The following CPNE4 variants were observed in gnomAD, a reference collection of about 807,000 sequenced individuals.
CPNE4 encodes copine 4.
In CPNE4, 25 loss-of-function variants were observed where a neutral mutation model predicts 67.9. The ratio of observed to expected loss-of-function variants is 0.37; its 90% CI spans 0.27 to 0.51. CPNE4 has a LOEUF of 0.51. CPNE4 is among the 20% of genes least tolerant of loss of function. The pLI is 0.93. For missense variants in CPNE4, 464 were observed against 690.8 expected (o/e 0.67, Z 3.68); for synonymous variants, 242 against 244.9 (o/e 0.99, Z 0.11).
intron 7 of CPNE4, among the ~76,000 whole-genome samples, chr3:131,659,971 T>C (rs2080082051): frequency 6.6e-6 from 1 of 152,200 alleles, no homozygotes; most frequent in African/African-American, 2.4e-5. Flanking sequence ...TTAATTTTTG[T>C]TGTGGTAAAA....
chr3:131,598,686 G>T (rs56188383), intron 7 of CPNE4, among the ~76,000 whole-genome samples: 20,600 of 152,122 alleles, frequency 0.14, 1,948 homozygotes, highest in African/African-American at 0.26. Flanking sequence ...ATACCACATA[G>T]CTTCATAGTT....
At chr3:131,896,243 A>G (rs1224103372) in intron 2 of CPNE4, among the ~76,000 whole-genome samples, 1 of 152,060 alleles carries the variant, frequency 6.6e-6, no homozygotes, top group Non-Finnish European at 1.5e-5. Context: ...TTTTGATAAT[A>G]TACATATATA....
intron 3 of CPNE4, among the ~76,000 whole-genome samples, chr3:131,713,063 G>T: frequency 6.6e-6 from 1 of 152,084 alleles, no homozygotes; most frequent in East Asian, 1.9e-4. Context: ...AGGGTGGTCT[G>T]GGGGCTGGGT....
intron 7 of CPNE4, among the ~76,000 whole-genome samples, chr3:131,618,617 G>C (rs898538974): frequency 6.6e-6 from 1 of 152,148 alleles, no homozygotes; most frequent in Admixed American, 6.5e-5. Context: ...GGTAGAATGT[G>C]TTTTCTCTGC....
At chr3:131,998,382 A>G (rs2073348953) in intron 1 of CPNE4, among the ~76,000 whole-genome samples, 1 of 152,150 alleles carries the variant, frequency 6.6e-6, no homozygotes, top group African/African-American at 2.4e-5. Context: ...ATCTACAGGA[A>G]CACATTTTAG....
At chr3:131,885,362 AGATT>A in intron 2 of CPNE4, among the ~76,000 whole-genome samples, 2 of 151,378 alleles carry the variant, frequency 1.3e-5, no homozygotes, top group Non-Finnish European at 2.9e-5. Flanking sequence ...TTGAATATTA[AGATT>A]TATTTTAAGG....
chr3:131,568,454 G>C (rs1163743233), intron 10 of CPNE4, among the ~76,000 whole-genome samples: 2 of 151,984 alleles, frequency 1.3e-5, no homozygotes, highest in Non-Finnish European at 2.9e-5. Flanking sequence ...GGCTACTGAT[G>C]CCTGGTTTTC....
intron 2 of CPNE4, among the ~76,000 whole-genome samples, chr3:131,763,701 C>A (rs148858425): frequency 2.6e-4 from 40 of 152,196 alleles, no homozygotes; most frequent in African/African-American, 8.9e-4. Context: ...AAATAGTATT[C>A]TCCTACACTG....
At chr3:131,717,418 C>T (rs932309473) in intron 3 of CPNE4, among the ~76,000 whole-genome samples, 3 of 152,152 alleles carry the variant, frequency 2.0e-5, no homozygotes, top group African/African-American at 7.2e-5. Context: ...ATCTCATCCA[C>T]TCTAATATTA....
chr3:131,571,288 G>A (rs906408973), intron 10 of CPNE4, among the ~76,000 whole-genome samples: 2 of 151,866 alleles, frequency 1.3e-5, no homozygotes, highest in Non-Finnish European at 1.5e-5. Context: ...GCCAGATAGA[G>A]GTCCTCTACA....
intron 1 of CPNE4, among the ~76,000 whole-genome samples, chr3:132,029,256 G>A (rs1218226103): frequency 6.6e-6 from 1 of 152,118 alleles, no homozygotes; most frequent in Non-Finnish European, 1.5e-5. Flanking sequence ...GTCCAGCCGC[G>A]GAGCAACCTA....
At chr3:131,649,535 G>A (rs1053993440) in intron 7 of CPNE4, among the ~76,000 whole-genome samples, 2 of 152,166 alleles carry the variant, frequency 1.3e-5, no homozygotes, top group African/African-American at 2.4e-5. Flanking sequence ...GAAGCTAGAA[G>A]AACTGGCTTT....
At chr3:131,549,292 A>G (rs548208110) in intron 14 of CPNE4, among the ~76,000 whole-genome samples, 9 of 152,172 alleles carry the variant, frequency 5.9e-5, no homozygotes, top group African/African-American at 1.9e-4. Context: ...AAAATTACAG[A>G]GCAAACTTCA....
In CPNE4 at chr3:131,718,577, C is replaced by T. The variant is rs1049630552; in HGVS notation, c.360+4869G>A. On this transcript the variant is annotated intron_variant, in intron 3 of 15. Coordinates refer to ENST00000429747, the MANE Select transcript of CPNE4 (RefSeq NM_130808.3). Reference sequence around the variant, plus strand: ...TCTTTTCTCTGTTGGTGAATTCCTACTTATCCTTAGGGATTCAGATCCAGA... The same window carrying T: ...TCTTTTCTCTGTTGGTGAATTCCTATTTATCCTTAGGGATTCAGATCCAGA... Among the ~76,000 whole-genome samples the T allele has an allele frequency of 2.6e-5, 4 of 152,320 alleles. No homozygotes were observed. In the East Asian group the frequency reaches 7.7e-4, roughly 29 times the overall value.
chr3:131,952,457 G>A (rs549963422), intron 1 of CPNE4, among the ~76,000 whole-genome samples: 44 of 136,494 alleles, frequency 3.2e-4, no homozygotes, highest in East Asian at 7.3e-4. Context: ...CAGCCACCCC[G>A]TCCGGGAGGG....
chr3:131,586,726 A>ATCTG (rs3039201), intron 8 of CPNE4, among the ~76,000 whole-genome samples: 4,156 of 129,666 alleles, frequency 0.032, 82 homozygotes, highest in East Asian at 0.1. Flanking sequence ...TTCTATCTCT[A>ATCTG]TCTGTCTGTC....
chr3:131,698,608 TAA>T (rs556686311), intron 4 of CPNE4, among the ~76,000 whole-genome samples: 38 of 137,674 alleles, frequency 2.8e-4, no homozygotes, highest in East Asian at 4.2e-4. Flanking sequence ...TTCCTGTGCT[TAA>T]AAAAAAAAAA....
At chr3:131,913,905 C>T (rs573483942) in intron 1 of CPNE4, among the ~76,000 whole-genome samples, 9 of 152,232 alleles carry the variant, frequency 5.9e-5, no homozygotes, top group Admixed American at 5.9e-4. Context: ...TGAATTAATC[C>T]ACATAAAAGT....
intron 1 of CPNE4, among the ~76,000 whole-genome samples, chr3:131,943,327 C>A (rs1318572820): frequency 6.6e-6 from 1 of 152,020 alleles, no homozygotes; most frequent in Non-Finnish European, 1.5e-5. Flanking sequence ...TTTGGAGAAA[C>A]TTTTTGGTTT....
Sources: gnomAD v4.1 joint callset for allele counts (sites outside exome capture counted in the v4.1 genomes callset) on GRCh38, gnomAD v4.1.1 for gene constraint, MANE v1.5 for transcripts, NCBI Gene and HGNC (gene_info 2026-07-23, HGNC 2026-07-21) for gene names.